The following KCNG2 variants were observed in gnomAD, a reference collection of about 807,000 sequenced individuals.
The protein encoded by KCNG2 is potassium voltage-gated channel modifier subfamily G member 2, also known as voltage-gated potassium channel regulatory subunit KCNG2.
Under a neutral mutation model 12.3 loss-of-function variants are expected in KCNG2, and 7 were observed. That is an observed-to-expected ratio of 0.57 (90% CI 0.32 to 1.07). The LOEUF is 1.07. Ranked by LOEUF, KCNG2 falls within the 50% of genes least tolerant of loss-of-function variation. The probability of loss-of-function intolerance (pLI) is 0.04; values close to 1 mark genes in which losing one functional copy is unlikely to be tolerated. For missense variants in KCNG2, 703 were observed against 726.0 expected (o/e 0.97, Z 0.36); for synonymous variants, 414 against 351.4 (o/e 1.18, Z -1.99).
chr18:79,876,907 G>C (rs1380650840), intron 3 of KCNG2, among the ~76,000 whole-genome samples: 1 of 152,218 alleles, frequency 6.6e-6, no homozygotes, highest in Non-Finnish European at 1.5e-5. Flanking sequence ...GCCAGGGGAG[G>C]GTGAGAGGAC....
chr18:79,854,581 C>G (rs920994418), intron 1 of KCNG2, among the ~76,000 whole-genome samples: 1 of 141,234 alleles, frequency 7.1e-6, no homozygotes, highest in Admixed American at 7.7e-5. Flanking sequence ...GGCTGGAGTG[C>G]GGTGGCGTGA....
At chr18:79,861,025 GA>G (rs1232134906) in intron 2 of KCNG2, among the ~76,000 whole-genome samples, 1 of 152,158 alleles carries the variant, frequency 6.6e-6, no homozygotes, top group Non-Finnish European at 1.5e-5. Flanking sequence ...GTTTAATCAG[GA>G]AAGGATGTTA....
chr18:79,893,453 C>T lies in KCNG2; in HGVS notation c.625-5587C>T, dbSNP rs537665557. Among the ~76,000 whole-genome samples, 75 of 152,056 alleles carry T rather than the reference C, an allele frequency of 4.9e-4. 1 individual carries two copies. Among genetic ancestry groups the T allele is most frequent in the Admixed American group, 9.8e-4 (15 of 15,282 alleles). On this transcript the variant is annotated intron_variant, in intron 3 of 3. Coordinates refer to ENST00000316249, the MANE Select transcript of KCNG2 (RefSeq NM_012283.2). ...CTGCTTTTGATTGGGTTGTTCACTCCATTCATATCTAATGTTATGATCGAT... is the reference window on the plus strand; with the variant it reads ...CTGCTTTTGATTGGGTTGTTCACTCTATTCATATCTAATGTTATGATCGAT...
intron 1 of KCNG2, among the ~76,000 whole-genome samples, chr18:79,823,699 T>C (rs1370226023): frequency 1.3e-5 from 2 of 152,206 alleles, no homozygotes; most frequent in African/African-American, 4.8e-5. Context: ...GTTTTTCCCC[T>C]TGTTGTTTTT....
At chr18:79,869,775 C>T (rs1272169859) in intron 3 of KCNG2, among the ~76,000 whole-genome samples, 1 of 152,236 alleles carries the variant, frequency 6.6e-6, no homozygotes, top group East Asian at 1.9e-4. Flanking sequence ...CTCTGACCCT[C>T]AAAAAGTACA....
At chr18:79,826,244 G>A (rs1345021133) in intron 1 of KCNG2, among the ~76,000 whole-genome samples, 1 of 152,258 alleles carries the variant, frequency 6.6e-6, no homozygotes, top group African/African-American at 2.4e-5. Flanking sequence ...GGGACCGAGG[G>A]CCTGGCTCTG....
rs760001156 is a variant in KCNG2 at position 79,899,594 on chromosome 18, C to T, written c.1179C>T (p.Gly393=). The T allele has an allele frequency of 1.3e-6, 2 of 1,599,634 alleles. No individual in the cohort carries two copies. Among genetic ancestry groups the T allele is most frequent in the Admixed American group, 3.4e-5 (2 of 58,716 alleles). Residue 393 remains glycine (G), a synonymous_variant, in exon 4 of 4, where the codon GGC becomes GGT. Coordinates refer to ENST00000316249, the MANE Select transcript of KCNG2 (RefSeq NM_012283.2). Reference sequence around the variant, plus strand: ...TGGCGCTCAGCAGCATCCTCAGCGGCATCCTGCTCATGGCCTTCCCGGTCA... The same window carrying T: ...TGGCGCTCAGCAGCATCCTCAGCGGTATCCTGCTCATGGCCTTCCCGGTCA... The part of the protein sequence containing the change: ...QVVALSSILS[G]ILLMAFPVTS...
chr18:79,887,761 G>A (rs534870493), intron 3 of KCNG2, among the ~76,000 whole-genome samples: 2 of 152,328 alleles, frequency 1.3e-5, no homozygotes, highest in African/African-American at 2.4e-5. Flanking sequence ...GGGCTCCCTC[G>A]GGCACAGATC....
chr18:79,832,249 C>G (rs1373223457), intron 1 of KCNG2, among the ~76,000 whole-genome samples: 1 of 150,798 alleles, frequency 6.6e-6, no homozygotes, highest in African/African-American at 2.4e-5. Context: ...CTCATCCTCA[C>G]CCGTGAGACC....
rs1000244997 is a variant in KCNG2, at chr18:79,894,817, T to C, written c.625-4223T>C. ...ACTCCATTCACATCTAATGTTACGA[T>C]TGATATAGTGGGGTCTGTGTATGCT... is the stretch of plus-strand genomic sequence containing the variant. On this transcript the variant is annotated intron_variant, in intron 3 of 3. Transcript: ENST00000316249. 3.8e-4 allele frequency among the ~76,000 whole-genome samples: 57 copies of C among 151,832 alleles called. 1 individual carries two copies. Among genetic ancestry groups the C allele is most frequent in the Non-Finnish European group, 8.8e-5 (6 of 67,974 alleles).
intron 3 of KCNG2, among the ~76,000 whole-genome samples, chr18:79,895,653 G>T (rs1188143078): frequency 6.6e-6 from 1 of 151,572 alleles, no homozygotes; most frequent in Non-Finnish European, 1.5e-5. Flanking sequence ...TGATTGGGTT[G>T]TTCACTCCAT....
At chr18:79,878,152 C>T (rs62103235) in intron 3 of KCNG2, among the ~76,000 whole-genome samples, 1 of 152,262 alleles carries the variant, frequency 6.6e-6, no homozygotes, top group Non-Finnish European at 1.5e-5. Context: ...CCACAGGAAG[C>T]GTTCTGAGAC....
At chr18:79,798,612 C>T in intron 1 of KCNG2, among the ~76,000 whole-genome samples, 1 of 152,212 alleles carries the variant, frequency 6.6e-6, no homozygotes, top group South Asian at 2.1e-4. Flanking sequence ...CCTCCTCCGA[C>T]CAGCCGGGGC....
At chr18:79,845,441 T>G (rs1227103763) in intron 1 of KCNG2, among the ~76,000 whole-genome samples, 1 of 152,184 alleles carries the variant, frequency 6.6e-6, no homozygotes, top group Non-Finnish European at 1.5e-5. Flanking sequence ...TGCCCGTGTA[T>G]TTTCTCTTAC....
chr18:79,826,864 AAAG>A (rs1317747865), intron 1 of KCNG2, among the ~76,000 whole-genome samples: 3 of 152,406 alleles, frequency 2.0e-5, no homozygotes, highest in Non-Finnish European at 4.4e-5. Flanking sequence ...ACGTTCAGTG[AAAG>A]AAGGTGTGGG....
intron 3 of KCNG2, among the ~76,000 whole-genome samples, chr18:79,895,817 TGATA>T (rs141067256): frequency 0.025 from 3,791 of 152,372 alleles, 63 homozygotes; most frequent in Non-Finnish European, 0.039. Flanking sequence ...CTGTTTTGAT[TGATA>T]TAGTTGGGTC....
chr18:79,899,309 G>C lies in KCNG2; in HGVS notation c.894G>C (p.Val298=), dbSNP rs1402701023. The change falls in exon 4 of 4, where the codon GTG becomes GTC. Residue 298 remains valine, a synonymous_variant. Transcript: ENST00000316249. ...TGCGTGCGCTGCGCGTGCTCTACGTGATGCGCCTGGCGCGCCACTCGCTGG... is the reference window on the plus strand; with the variant it reads ...TGCGTGCGCTGCGCGTGCTCTACGTCATGCGCCTGGCGCGCCACTCGCTGG... The part of the protein sequence containing the change: ...RLLRALRVLY[V]MRLARHSLGL... 10 of 1,558,238 alleles carry C rather than the reference G, an allele frequency of 6.4e-6. No individual in the cohort carries two copies. Among genetic ancestry groups the C allele is most frequent in the African/African-American group, 4.2e-5 (3 of 72,206 alleles).
chr18:79,862,760 T>G (rs775238172), intron 2 of KCNG2, among the ~76,000 whole-genome samples: 5 of 152,228 alleles, frequency 3.3e-5, no homozygotes, highest in Non-Finnish European at 7.3e-5. Flanking sequence ...ATCAATGTTT[T>G]TGACACACAC....
intron 3 of KCNG2, among the ~76,000 whole-genome samples, chr18:79,888,722 A>T (rs1041696712): frequency 4.0e-5 from 6 of 150,344 alleles, no homozygotes; most frequent in African/African-American, 1.5e-4. Context: ...AGAGAGTCTC[A>T]CTCTGTCGCC....
Sources: allele counts gnomAD v4.1 joint callset (sites outside exome capture counted in the v4.1 genomes callset), GRCh38; gene constraint gnomAD v4.1.1; transcripts MANE v1.5; gene names NCBI Gene and HGNC (gene_info 2026-07-23, HGNC 2026-07-21).